Variants in PTCHD4 observed in about 807,000 individuals in gnomAD.
PTCHD4 encodes the protein patched domain containing 4, also known as patched domain-containing protein 4.
In PTCHD4, 33 loss-of-function variants were observed where a neutral mutation model predicts 58.1. The observed-to-expected ratio is 0.57, with a 90% CI of 0.43 to 0.76. The LOEUF (loss-of-function observed/expected upper bound fraction) is 0.76. PTCHD4 is among the 30% of genes least tolerant of loss of function. PTCHD4 has a pLI of 0.00. For synonymous variants in PTCHD4, 478 were observed against 409.6 expected, an observed-to-expected ratio of 1.17 and a Z score of -2.02; for missense variants, 1,058 against 1,027.1, an observed-to-expected ratio of 1.03 and a Z score of -0.41.
intron 3 of PTCHD4, among the ~76,000 whole-genome samples, chr6:48,034,080 G>T (rs1400510741): frequency 6.6e-6 from 1 of 152,074 alleles, no homozygotes; most frequent in Admixed American, 6.6e-5. Context: ...GTTTTGAAAA[G>T]TCAAACATAA....
intron 4 of PTCHD4, among the ~76,000 whole-genome samples, chr6:47,958,785 G>T (rs899000750): frequency 6.6e-6 from 1 of 152,098 alleles, no homozygotes; most frequent in African/African-American, 2.4e-5. Context: ...GTTCAAACAG[G>T]GCATGGAATA....
chr6:48,059,604 A>G (rs1295856771), intron 3 of PTCHD4, among the ~76,000 whole-genome samples: 1 of 152,074 alleles, frequency 6.6e-6, no homozygotes, highest in Non-Finnish European at 1.5e-5. Flanking sequence ...ACGCCACTGC[A>G]CTCAGTCTGG....
chr6:48,101,775 C>T (rs1486010390), intron 1 of PTCHD4, among the ~76,000 whole-genome samples: 1 of 152,102 alleles, frequency 6.6e-6, no homozygotes, highest in African/African-American at 2.4e-5. Context: ...TGTGGACAAA[C>T]AACAAAAGAA....
chr6:48,038,467 C>T (rs1016333381), intron 3 of PTCHD4, among the ~76,000 whole-genome samples: 1 of 151,536 alleles, frequency 6.6e-6, no homozygotes, highest in African/African-American at 2.4e-5. Flanking sequence ...CATGGTGAAA[C>T]CCCATCTCTA....
chr6:47,945,766 T>G (rs922520207), intron 4 of PTCHD4, among the ~76,000 whole-genome samples: 48 of 151,836 alleles, frequency 3.2e-4, no homozygotes, highest in African/African-American at 9.9e-4. Flanking sequence ...TATAAATTAT[T>G]AATTTAATTA....
At chr6:47,890,465 C>T (rs1040069444) in intron 4 of PTCHD4, among the ~76,000 whole-genome samples, 8 of 152,128 alleles carry the variant, frequency 5.3e-5, no homozygotes, top group Admixed American at 1.3e-4. Flanking sequence ...TAAGCCTCCA[C>T]GTATCTGTTT....
At chr6:48,046,275 C>A in intron 3 of PTCHD4, among the ~76,000 whole-genome samples, 1 of 151,828 alleles carries the variant, frequency 6.6e-6, no homozygotes, top group East Asian at 1.9e-4. Context: ...CTTCTTACAT[C>A]ACTCATTCGT....
chr6:47,896,531 A>G (rs1306051902), intron 4 of PTCHD4, among the ~76,000 whole-genome samples: 2 of 152,232 alleles, frequency 1.3e-5, no homozygotes, highest in African/African-American at 4.8e-5. Flanking sequence ...TGTATACATG[A>G]AAATTATTTT....
intron 4 of PTCHD4, among the ~76,000 whole-genome samples, chr6:47,973,303 T>C (rs79383630): frequency 0.058 from 8,798 of 152,282 alleles, 422 homozygotes; most frequent in African/African-American, 0.13. Context: ...ACCTAAGATT[T>C]TCTGTTTCCC....
At chr6:48,071,734 T>G (rs1764978951) in intron 1 of PTCHD4, among the ~76,000 whole-genome samples, 1 of 152,212 alleles carries the variant, frequency 6.6e-6, no homozygotes, top group Non-Finnish European at 1.5e-5. Context: ...ATTTTTCTGT[T>G]CCAGGATCCT....
intron 3 of PTCHD4, among the ~76,000 whole-genome samples, chr6:48,055,101 A>T (rs1030841697): frequency 6.6e-6 from 1 of 152,188 alleles, no homozygotes; most frequent in Non-Finnish European, 1.5e-5. Flanking sequence ...TTATGTAAAA[A>T]ATTTTAAAGA....
chr6:48,004,456 C>T (rs966398344), intron 4 of PTCHD4, among the ~76,000 whole-genome samples: 4 of 152,076 alleles, frequency 2.6e-5, no homozygotes, highest in African/African-American at 9.7e-5. Flanking sequence ...TAATATTAGC[C>T]CATATTTCTT....
chr6:48,025,987 C>T (rs561905615), intron 3 of PTCHD4, among the ~76,000 whole-genome samples: 6 of 152,140 alleles, frequency 3.9e-5, no homozygotes, highest in African/African-American at 1.4e-4. Flanking sequence ...TGAACATGAC[C>T]TCACAGCTAT....
intron 4 of PTCHD4, among the ~76,000 whole-genome samples, chr6:47,917,835 G>A (rs1170161989): frequency 6.6e-6 from 1 of 152,074 alleles, no homozygotes; most frequent in Non-Finnish European, 1.5e-5. Context: ...ATTCCAAGTA[G>A]CAAGATGATG....
chr6:47,943,252 G>A (rs906634117), intron 4 of PTCHD4, among the ~76,000 whole-genome samples: 2 of 152,114 alleles, frequency 1.3e-5, no homozygotes, highest in African/African-American at 4.8e-5. Context: ...TGTAAAATTT[G>A]TAAAGAAAGA....
chr6:47,867,522 A>G lies in PTCHD4; in HGVS notation c.*10781T>C, dbSNP rs1763601640. ...CTCTCCAAAATCCAAGTAACTCCCC[A>G]TATCCTGGCAATGCTTTATAATACC... On this transcript the variant is annotated 3_prime_UTR_variant, in exon 5 of 5. Transcript: ENST00000339488. Among the ~76,000 whole-genome samples, 1 of 149,976 alleles carries G rather than the reference A, an allele frequency of 6.7e-6. No homozygotes were observed. The highest frequency in any genetic ancestry group is 2.4e-5 in the African/African-American group (1 of 41,306).
At chr6:47,965,797 C>T (rs1349174216) in intron 4 of PTCHD4, among the ~76,000 whole-genome samples, 5 of 152,050 alleles carry the variant, frequency 3.3e-5, no homozygotes, top group Admixed American at 2.6e-4. Flanking sequence ...CGCCAGTAGT[C>T]CCAGCTACTC....
chr6:47,911,748 G>A (rs1257369881), intron 4 of PTCHD4, among the ~76,000 whole-genome samples: 1 of 152,068 alleles, frequency 6.6e-6, no homozygotes, highest in African/African-American at 2.4e-5. Context: ...ATGTCAAGTA[G>A]GCATTTAAAC....
At chr6:47,948,135 T>A (rs911701051) in intron 4 of PTCHD4, among the ~76,000 whole-genome samples, 6 of 152,190 alleles carry the variant, frequency 3.9e-5, no homozygotes, top group African/African-American at 1.4e-4. Context: ...AAGGGTCCAT[T>A]TCCAAGCTCA....
Sources: gnomAD v4.1 joint callset for allele counts (sites outside exome capture counted in the v4.1 genomes callset) on GRCh38, gnomAD v4.1.1 for gene constraint, MANE v1.5 for transcripts, NCBI Gene and HGNC (gene_info 2026-07-23, HGNC 2026-07-21) for gene names.